Variants in EBF1 observed in about 807,000 individuals in gnomAD.
The protein encoded by EBF1 is transcription factor COE1.
EBF1 carries 10 observed loss-of-function variants against 68.4 expected under a neutral mutation model. The ratio of observed to expected loss-of-function variants is 0.15; its 90% CI spans 0.09 to 0.25. The LOEUF (loss-of-function observed/expected upper bound fraction) is 0.25. EBF1 is among the 10% of genes least tolerant of loss of function. The pLI, the probability that EBF1 is intolerant of heterozygous loss-of-function variation, is 1.00. For missense variants in EBF1, 509 were observed against 794.4 expected, an observed-to-expected ratio of 0.64 and a Z score of 4.32; for synonymous variants, 298 against 299.8, an observed-to-expected ratio of 0.99 and a Z score of 0.06.
chr5:158,759,325 C>G (rs147780395), intron 10 of EBF1, among the ~76,000 whole-genome samples: 15 of 152,216 alleles, frequency 9.9e-5, no homozygotes, highest in African/African-American at 3.4e-4. Context: ...TTCCATGGAC[C>G]TATTTTTTTA....
At chr5:158,864,639 T>C (rs1795554577) in intron 6 of EBF1, among the ~76,000 whole-genome samples, 2 of 152,084 alleles carry the variant, frequency 1.3e-5, no homozygotes, top group South Asian at 2.1e-4. Flanking sequence ...AAAAAGATAA[T>C]GTCAGTTACC....
At chr5:159,009,371 C>G (rs185254876) in intron 6 of EBF1, among the ~76,000 whole-genome samples, 1 of 152,168 alleles carries the variant, frequency 6.6e-6, no homozygotes, top group Non-Finnish European at 1.5e-5. Flanking sequence ...TACCCTCAAC[C>G]TCGTGATTGT....
chr5:158,861,641 G>C (rs1387618627), intron 6 of EBF1, among the ~76,000 whole-genome samples: 2 of 152,148 alleles, frequency 1.3e-5, no homozygotes, highest in Non-Finnish European at 2.9e-5. Flanking sequence ...TTCAATTAAT[G>C]CTCCTCTGCT....
At chr5:158,893,034 C>A (rs1801485200) in intron 6 of EBF1, among the ~76,000 whole-genome samples, 1 of 151,964 alleles carries the variant, frequency 6.6e-6, no homozygotes, top group East Asian at 1.9e-4. Flanking sequence ...ATCCTTCTCC[C>A]TCACACACCA....
intron 6 of EBF1, among the ~76,000 whole-genome samples, chr5:159,069,129 T>C (rs573031542): frequency 6.6e-6 from 1 of 152,128 alleles, no homozygotes; most frequent in Admixed American, 6.5e-5. Flanking sequence ...AGCTACATTA[T>C]ATCCTTAAAA....
intron 6 of EBF1, among the ~76,000 whole-genome samples, chr5:158,895,046 T>C (rs1267924807): frequency 6.6e-6 from 1 of 152,180 alleles, no homozygotes; most frequent in Non-Finnish European, 1.5e-5. Flanking sequence ...AATGCCAAAA[T>C]CAATTTCAGT....
intron 6 of EBF1, among the ~76,000 whole-genome samples, chr5:158,854,647 G>A (rs1793621065): frequency 6.6e-6 from 1 of 152,164 alleles, no homozygotes; most frequent in African/African-American, 2.4e-5. Flanking sequence ...TAACCATGCA[G>A]GAAACAAAAC....
intron 10 of EBF1, among the ~76,000 whole-genome samples, chr5:158,766,272 A>G (rs1772644947): frequency 6.6e-6 from 1 of 152,192 alleles, no homozygotes; most frequent in Non-Finnish European, 1.5e-5. Flanking sequence ...CAGTGAAAGC[A>G]CCATGCATAG....
intron 6 of EBF1, among the ~76,000 whole-genome samples, chr5:158,860,614 G>C (rs1794805062): frequency 6.6e-6 from 1 of 152,128 alleles, no homozygotes; most frequent in Non-Finnish European, 1.5e-5. Context: ...ACTTTTAGAA[G>C]GACAAGAAAA....
intron 6 of EBF1, among the ~76,000 whole-genome samples, chr5:159,045,458 C>T (rs932043012): frequency 2.6e-5 from 4 of 151,146 alleles, no homozygotes; most frequent in African/African-American, 7.3e-5. Flanking sequence ...GAATCCTTGT[C>T]GTATTGGAAG....
At chr5:158,705,170 G>A (rs1413966192) in intron 15 of EBF1, among the ~76,000 whole-genome samples, 3 of 152,036 alleles carry the variant, frequency 2.0e-5, no homozygotes, top group African/African-American at 7.2e-5. Context: ...TAGTAGAGAC[G>A]AGGTTTCACC....
intron 6 of EBF1, among the ~76,000 whole-genome samples, chr5:159,007,911 C>T (rs1403435592): frequency 6.6e-6 from 1 of 152,022 alleles, no homozygotes; most frequent in African/African-American, 2.4e-5. Flanking sequence ...TCCCAGTCAC[C>T]CAACAAATGT....
At chr5:159,000,588 G>A (rs1762342645) in intron 6 of EBF1, among the ~76,000 whole-genome samples, 1 of 152,150 alleles carries the variant, frequency 6.6e-6, no homozygotes, top group South Asian at 2.1e-4. Flanking sequence ...GACAGCAGGT[G>A]TTGCCAATAA....
intron 8 of EBF1, among the ~76,000 whole-genome samples, chr5:158,801,913 G>A (rs777000165): frequency 1.3e-5 from 2 of 152,124 alleles, no homozygotes; most frequent in Non-Finnish European, 2.9e-5. Context: ...CTCGCACTGG[G>A]AGCATCAGTC....
chr5:159,022,501 T>A (rs145410283), intron 6 of EBF1, among the ~76,000 whole-genome samples: 104 of 152,306 alleles, frequency 6.8e-4, no homozygotes, highest in African/African-American at 2.3e-3. Flanking sequence ...CATCACACAC[T>A]GCCAGCTTGC....
chr5:158,988,237 C>T (rs952074165), intron 6 of EBF1, among the ~76,000 whole-genome samples: 10 of 152,312 alleles, frequency 6.6e-5, no homozygotes, highest in Non-Finnish European at 1.2e-4. Context: ...AGTGCCCCCC[C>T]TTCTCTTCGT....
intron 6 of EBF1, among the ~76,000 whole-genome samples, chr5:159,064,965 G>C (rs1429993425): frequency 7.9e-6 from 1 of 125,870 alleles, no homozygotes; most frequent in Non-Finnish European, 1.6e-5. Context: ...GTGCGTATGT[G>C]TGTGGTGTGT....
intron 7 of EBF1, among the ~76,000 whole-genome samples, chr5:158,827,239 C>T (rs1047945381): frequency 6.6e-6 from 1 of 152,138 alleles, no homozygotes; most frequent in African/African-American, 2.4e-5. Context: ...GTAAAGAAGA[C>T]CCAGCATACA....
At chr5:158,842,166 G>A (rs754108239) in intron 6 of EBF1, among the ~76,000 whole-genome samples, 7 of 152,346 alleles carry the variant, frequency 4.6e-5, no homozygotes, top group African/African-American at 9.6e-5. Context: ...GTAAAGGAAG[G>A]GGGGTTAAGG....
Sources: gnomAD v4.1 joint callset for allele counts (sites outside exome capture counted in the v4.1 genomes callset) on GRCh38, gnomAD v4.1.1 for gene constraint, MANE v1.5 for transcripts, NCBI Gene and HGNC (gene_info 2026-07-23, HGNC 2026-07-21) for gene names.